SERTAD4: variants seen among roughly 807,000 people sequenced by gnomAD.
SERTAD4 encodes SERTA domain-containing protein 4.
A neutral mutation model predicts 32.9 loss-of-function variants in SERTAD4; 18 were observed. The ratio of observed to expected loss-of-function variants is 0.55; its 90% CI spans 0.38 to 0.81. The LOEUF is 0.81. Ranked by LOEUF, SERTAD4 falls within the 30% of genes least tolerant of loss-of-function variation. SERTAD4 has a pLI of 0.00. For missense variants in SERTAD4, 383 were observed against 426.0 expected (o/e 0.90, Z 0.89); for synonymous variants, 150 against 156.4 (o/e 0.96, Z 0.30).
At chr1:210,234,120 T>A (rs1025852506) in intron 1 of SERTAD4, 2 of 255,738 alleles carry the variant, frequency 7.8e-6, no homozygotes, top group Admixed American at 6.1e-5. Context: ...GTTGTTTACT[T>A]TCTCCTGCGG....
intron 1 of SERTAD4, among the ~76,000 whole-genome samples, chr1:210,235,013 G>A (rs2083927194): frequency 6.6e-6 from 1 of 152,006 alleles, no homozygotes; most frequent in African/African-American, 2.4e-5. Context: ...TGTCAAAACA[G>A]ACATTCAGGA....
At chr1:210,236,497 A>G (rs1435812023) in intron 1 of SERTAD4, among the ~76,000 whole-genome samples, 3 of 152,212 alleles carry the variant, frequency 2.0e-5, no homozygotes, top group African/African-American at 7.2e-5. Flanking sequence ...CTGCTCTTTT[A>G]GCCAGAAGGA....
Position 210,242,730 on chromosome 1 carries a change from T to C in SERTAD4, c.*393T>C. Reference sequence around the variant, plus strand: ...GGGAGTTATTTGGTAAGCAAATCAATATAACCAGCAAAGATACCTGCTTCT... The same window carrying C: ...GGGAGTTATTTGGTAAGCAAATCAACATAACCAGCAAAGATACCTGCTTCT... On this transcript the variant is annotated 3_prime_UTR_variant, in exon 4 of 4. Transcript: ENST00000367012. The surrounding 1 kb of genome is among the most constrained non-coding windows in gnomAD (Gnocchi z 4.0). 4 of 1,001,888 alleles carry C rather than the reference T, an allele frequency of 4.0e-6. No individual in the cohort carries two copies. The highest frequency in any genetic ancestry group is 4.8e-6 in the Non-Finnish European group (4 of 841,236). The allele number at this position is 1,001,888 out of a possible 1,614,324, so 62.1% of individuals were successfully genotyped here. A position where few individuals can be genotyped will look rare whatever the true frequency, so the allele number is the denominator to read the frequency against.
At position 210,237,929 on chromosome 1, in the gene SERTAD4, T is replaced by G; in HGVS notation, c.-17-15T>G. On this transcript the variant is annotated splice_polypyrimidine_tract_variant and intron_variant, in intron 1 of 3. Transcript: ENST00000367012. ...CTGTTTTCTTCATTCTTGTTTTTTTTTTTTTTCTTTTCAGATCTGAGGCTG... is the reference window on the plus strand; with the variant it reads ...CTGTTTTCTTCATTCTTGTTTTTTTGTTTTTTCTTTTCAGATCTGAGGCTG... 2 of 1,582,998 alleles carry G rather than the reference T, an allele frequency of 1.3e-6. No homozygotes were observed. The highest frequency in any genetic ancestry group is 1.7e-6 in the Non-Finnish European group (2 of 1,166,722).
At position 210,242,147 on chromosome 1, in the gene SERTAD4, G is replaced by A; in HGVS notation, c.881G>A (p.Gly294Asp). ...GCAAATGATGACACCAACAGAGATG[G>A]TGGCCCCCTCAGCCACGAACCTGTG... Reference protein sequence around the residue: ...EKANDDTNRDGGPLSHEPVGN... With the variant: ...EKANDDTNRDDGPLSHEPVGN... The change falls in exon 4 of 4, where the codon GGT (glycine) becomes GAT (aspartate). Residue 294 changes from glycine (G) to aspartate (D), a missense_variant. Coordinates refer to ENST00000367012, the MANE Select transcript of SERTAD4 (RefSeq NM_019605.5). The surrounding 1 kb of genome is among the most constrained non-coding windows in gnomAD (Gnocchi z 4.0). 2 of 1,614,194 alleles carry A rather than the reference G, an allele frequency of 1.2e-6. No homozygotes were observed. Among genetic ancestry groups the A allele is most frequent in the Non-Finnish European group, 8.5e-7 (1 of 1,180,048 alleles).
chr1:210,237,831 C>T, intron 1 of SERTAD4, 113 bp from the exon 2 acceptor site: 9 of 745,684 alleles, frequency 1.2e-5, no homozygotes, highest in Non-Finnish European at 1.8e-5. Context: ...AGGGGAGGGC[C>T]GAGAAGTAAA....
At chr1:210,239,272 T>C (rs1314793185) in intron 2 of SERTAD4, among the ~76,000 whole-genome samples, 1 of 152,236 alleles carries the variant, frequency 6.6e-6, no homozygotes, top group Non-Finnish European at 1.5e-5. Context: ...TGCTAAAATA[T>C]GTGATTTTCC....
rs1320718963 is a variant in SERTAD4, at chr1:210,246,058, A to G, written c.*3721A>G. 1 of 380,300 alleles carries G rather than the reference A, an allele frequency of 2.6e-6. No homozygotes were observed. The highest frequency in any genetic ancestry group is 2.2e-5 in the African/African-American group (1 of 45,532). 23.6% of individuals were successfully genotyped at this position (380,300 alleles called of 1,614,324 possible). A position where few individuals can be genotyped will look rare whatever the true frequency, so the allele number is the denominator to read the frequency against. On this transcript the variant is annotated 3_prime_UTR_variant, in exon 4 of 4. Transcript: ENST00000367012. ...TGCCAATTTTACTAGATTTTTTCAG[A>G]GACAAGCATTCAGCATGGCATTAGT...
Position 210,242,113 on chromosome 1 carries a change from G to A in SERTAD4, c.847G>A (p.Asp283Asn), listed in dbSNP as rs2084004381. 6.2e-7 allele frequency: 1 copy of A among 1,614,076 alleles called. No individual in the cohort carries two copies. The highest frequency in any genetic ancestry group is 1.3e-5 in the African/African-American group (1 of 74,920). Residue 283 changes from aspartate (D) to asparagine (N), a missense_variant, in exon 4 of 4, where the codon GAT becomes AAT. Physicochemically the swap from Asp to Asn is conservative, Grantham distance 23. This residue lies in a region of SERTAD4 where 180 missense variants were observed against 190.6 expected (regional missense o/e 0.94). Coordinates refer to ENST00000367012, the MANE Select transcript of SERTAD4 (RefSeq NM_019605.5). This position sits in a 1 kb window ranked among gnomAD's most constrained non-coding sequence, Gnocchi z 4.0. ...TGTTCAGGAAAAGGCCAAATTAAATGATGAGAAAGCAAATGATGACACCAA... is the reference window on the plus strand; with the variant it reads ...TGTTCAGGAAAAGGCCAAATTAAATAATGAGAAAGCAAATGATGACACCAA... ...LGVQEKAKLN[D>N]EKANDDTNRD...
intron 1 of SERTAD4, among the ~76,000 whole-genome samples, chr1:210,234,209 T>C (rs1571543904): frequency 6.6e-6 from 1 of 151,702 alleles, no homozygotes; most frequent in African/African-American, 2.4e-5. Flanking sequence ...GGTGTGTCTG[T>C]GCGGGAGCCA....
At position 210,245,529 on chromosome 1, in the gene SERTAD4, A is replaced by G. The variant is rs1000007696; in HGVS notation, c.*3192A>G. On this transcript the variant is annotated 3_prime_UTR_variant, in exon 4 of 4. Transcript: ENST00000367012. ...GGACAGGATTGCAGGGACAGGGGACATGGGAGGAAGACAGAAAAATTCAAA... is the reference window on the plus strand; with the variant it reads ...GGACAGGATTGCAGGGACAGGGGACGTGGGAGGAAGACAGAAAAATTCAAA... The G allele has an allele frequency of 6.6e-6, 1 of 152,286 alleles. No individual in the cohort carries two copies. The highest frequency in any genetic ancestry group is 1.5e-5 in the Non-Finnish European group (1 of 68,094). 9.4% of individuals were successfully genotyped at this position (152,286 alleles called of 1,614,324 possible).
At chr1:210,236,952 C>T (rs1359587179) in intron 1 of SERTAD4, among the ~76,000 whole-genome samples, 1 of 152,224 alleles carries the variant, frequency 6.6e-6, no homozygotes, top group Non-Finnish European at 1.5e-5. Context: ...CACAGAGCCC[C>T]CATGAAAGCG....
rs1319248776 is a variant in SERTAD4, at chr1:210,242,309, T to C, written c.1043T>C (p.Leu348Pro). The change falls in exon 4 of 4, where the codon CTG becomes CCG. Residue 348 changes from leucine to proline, a missense_variant. Leu to Pro is a moderately conservative substitution (Grantham distance 98). This residue lies in a region of SERTAD4 where 180 missense variants were observed against 190.6 expected (regional missense o/e 0.94). Transcript: ENST00000367012. This position sits in a 1 kb window ranked among gnomAD's most constrained non-coding sequence, Gnocchi z 4.0. ...GAGGCTTCACCACCAAGTAACAAAC[T>C]GTGCTGCAGCAAAGGAAGTAAAATA... is the stretch of plus-strand genomic sequence containing the variant. Reference protein sequence around the residue: ...KKEASPPSNKLCCSKGSKI With the variant: ...KKEASPPSNKPCCSKGSKI 1 of 1,584,412 alleles carries C rather than the reference T, an allele frequency of 6.3e-7. No individual in the cohort carries two copies. The highest frequency in any genetic ancestry group is 1.9e-5 in the Admixed American group (1 of 53,692).
rs571338022 is a variant in SERTAD4 at position 210,234,534 on chromosome 1, C to G, written c.-18+1523C>G. ...TGTTCCGCCCATCCAGTCCCTTCCA[C>G]TACCACCACCAGGAGCCGGACAAGC... is the stretch of plus-strand genomic sequence containing the variant. On this transcript the variant is annotated intron_variant, in intron 1 of 3. Coordinates refer to ENST00000367012, the MANE Select transcript of SERTAD4 (RefSeq NM_019605.5). Among the ~76,000 whole-genome samples, 4 of 152,330 alleles carry G rather than the reference C, an allele frequency of 2.6e-5. No individual in the cohort carries two copies. The South Asian group carries it at 8.3e-4, about 32-fold the overall frequency.
At chr1:210,239,143 TG>T in intron 2 of SERTAD4, among the ~76,000 whole-genome samples, 1 of 152,310 alleles carries the variant, frequency 6.6e-6, no homozygotes, top group Admixed American at 6.5e-5. Context: ...TATGTTGTCA[TG>T]AATTTAATTA....
In SERTAD4 at chr1:210,243,230, G is replaced by GT; in HGVS notation, c.*899dup. On this transcript the variant is annotated 3_prime_UTR_variant, in exon 4 of 4. Coordinates refer to ENST00000367012, the MANE Select transcript of SERTAD4 (RefSeq NM_019605.5). ...ATGCCCAATTGCTTTTGGATTCGCC[G>GT]TTTTTTCAATAGGGATGGAGGAAAT... 3 of 739,766 alleles carry GT rather than the reference G, an allele frequency of 4.1e-6. No homozygotes were observed. Among genetic ancestry groups the GT allele is most frequent in the Non-Finnish European group, 4.9e-6 (3 of 607,292 alleles). The allele number at this position is 739,766 out of a possible 1,614,324, so 45.8% of individuals were successfully genotyped here.
At chr1:210,236,383 CCTGT>C (rs1160294331) in intron 1 of SERTAD4, among the ~76,000 whole-genome samples, 3 of 152,296 alleles carry the variant, frequency 2.0e-5, no homozygotes, top group Middle Eastern at 3.4e-3. Flanking sequence ...GTACACCTTC[CCTGT>C]CTGTCAAAAG....
rs760827380 is a variant in SERTAD4, at chr1:210,241,861, T to G, written c.595T>G (p.Tyr199Asp). The G allele has an allele frequency of 1.9e-6, 3 of 1,614,160 alleles. No homozygotes were observed. In the South Asian group the frequency reaches 3.3e-5, roughly 18 times the overall value. The stretch of plus-strand genomic sequence containing the variant: ...CTTTTACCAAGAATGTGGTGGCCAC[T>G]ACCTAAATTTACCCCTTTCTGTCAA... ...CCFYQECGGHYLNLPLSVNAN... is the reference protein window; with the variant it reads ...CCFYQECGGHDLNLPLSVNAN... Residue 199 changes from tyrosine (Y) to aspartate (D), a missense_variant, in exon 4 of 4, where the codon TAC becomes GAC. Tyr to Asp is a radical substitution (Grantham distance 160, BLOSUM62 -3). Around this residue, in one of 3 missense-constraint regions of SERTAD4, gnomAD observed 180 missense variants for 190.6 expected, o/e 0.94. Transcript: ENST00000367012.
At position 210,232,862 on chromosome 1, in the gene SERTAD4, C is replaced by G. The variant is rs1283874317; in HGVS notation, c.-167C>G. 2.7e-5 allele frequency: 4 copies of G among 150,548 alleles called. No homozygotes were observed. Among genetic ancestry groups the G allele is most frequent in the Non-Finnish European group, 5.9e-5 (4 of 67,458 alleles). The allele number at this position is 150,548 out of a possible 1,614,324, so 9.3% of individuals were successfully genotyped here. On this transcript the variant is annotated 5_prime_UTR_variant, in exon 1 of 4. Transcript: ENST00000367012. ...GTCGCGGCGGCGGGACCTGCCGGGA[C>G]CCTTGCCCGCCGCGCACCCGCAGTC... is the stretch of plus-strand genomic sequence containing the variant.
Sources: gnomAD v4.1 joint callset for allele counts (sites outside exome capture counted in the v4.1 genomes callset) on GRCh38, gnomAD v4.1.1 for gene constraint, gnomAD v4.1.1 regional missense constraint, Gnocchi (gnomAD v3.1) non-coding constraint, MANE v1.5 for transcripts, NCBI Gene and HGNC (gene_info 2026-07-23, HGNC 2026-07-21) for gene names.